Variants in SEMA6D observed in about 807,000 individuals in gnomAD.
SEMA6D encodes semaphorin 6D.
A neutral mutation model predicts 106.6 loss-of-function variants in SEMA6D; 35 were observed. The ratio of observed to expected loss-of-function variants is 0.33; its 90% confidence interval spans 0.25 to 0.44. The LOEUF (loss-of-function observed/expected upper bound fraction) is 0.44, where lower values mean the gene tolerates loss of function less well. SEMA6D is among the 20% of genes least tolerant of loss of function. The pLI is 1.00. For synonymous variants in SEMA6D, 499 were observed against 487.7 expected (o/e 1.02, Z -0.31); for missense variants, 1,185 against 1,345.9 (o/e 0.88, Z 1.87).
chr15:47,567,364 CAAAT>C (rs1422301966), intron 3 of SEMA6D, among the ~76,000 whole-genome samples: 6 of 152,072 alleles, frequency 3.9e-5, no homozygotes, highest in Non-Finnish European at 8.8e-5. Context: ...TATGCATATT[CAAAT>C]AAATAAACTT....
At chr15:47,617,724 G>A (rs756615551) in intron 4 of SEMA6D, among the ~76,000 whole-genome samples, 11 of 152,202 alleles carry the variant, frequency 7.2e-5, no homozygotes, top group Non-Finnish European at 1.3e-4. Flanking sequence ...GACTTCGACA[G>A]ATTCAGTTTT....
At chr15:47,390,130 T>C (rs895937905) in intron 1 of SEMA6D, among the ~76,000 whole-genome samples, 2 of 152,126 alleles carry the variant, frequency 1.3e-5, no homozygotes, top group South Asian at 2.1e-4. Context: ...TGGAAATCAG[T>C]TGGAAGGGGC....
intron 3 of SEMA6D, among the ~76,000 whole-genome samples, chr15:47,597,518 T>G (rs1311020944): frequency 6.6e-6 from 1 of 152,060 alleles, no homozygotes; most frequent in Non-Finnish European, 1.5e-5. Context: ...ATATACACAA[T>G]GGAATACTAT....
intron 4 of SEMA6D, among the ~76,000 whole-genome samples, chr15:47,604,438 C>T (rs981717475): frequency 3.3e-5 from 5 of 152,160 alleles, no homozygotes; most frequent in African/African-American, 1.2e-4. Context: ...TATCCTTCCA[C>T]TACTTATTTA....
At chr15:47,481,962 C>T (rs2043164915) in intron 3 of SEMA6D, among the ~76,000 whole-genome samples, 2 of 152,006 alleles carry the variant, frequency 1.3e-5, no homozygotes, top group African/African-American at 4.8e-5. Flanking sequence ...AGTATTTGAC[C>T]AGGAAAAGGA....
intron 1 of SEMA6D, among the ~76,000 whole-genome samples, chr15:47,732,918 A>G (rs1464463043): frequency 6.6e-6 from 1 of 152,210 alleles, no homozygotes; most frequent in Non-Finnish European, 1.5e-5. Context: ...GAGAAATAAG[A>G]TACCCCTGCC....
intron 13 of SEMA6D, among the ~76,000 whole-genome samples, chr15:47,765,667 A>C (rs2082299232): frequency 2.0e-5 from 3 of 152,218 alleles, no homozygotes; most frequent in Non-Finnish European, 4.4e-5. Flanking sequence ...CAATGTTTAA[A>C]AACCCTTTGT....
chr15:47,621,817 A>G (rs1291235597), intron 4 of SEMA6D, among the ~76,000 whole-genome samples: 1 of 152,134 alleles, frequency 6.6e-6, no homozygotes, highest in Non-Finnish European at 1.5e-5. Flanking sequence ...CTTCTTCACA[A>G]TGTTGTTATA....
intron 1 of SEMA6D, chr15:47,275,149 T>G (rs2034741624): frequency 1.3e-5 from 2 of 152,214 alleles, no homozygotes. Flanking sequence ...TAACAGATTT[T>G]GTATTTGGAA....
chr15:47,234,773 T>C (rs953275917), intron 1 of SEMA6D, among the ~76,000 whole-genome samples: 1 of 152,098 alleles, frequency 6.6e-6, no homozygotes, highest in African/African-American at 2.4e-5. Context: ...GTTGGCTCCA[T>C]ATCTTTGCAA....
At chr15:47,262,791 C>T (rs929736227) in intron 1 of SEMA6D, among the ~76,000 whole-genome samples, 22 of 152,130 alleles carry the variant, frequency 1.4e-4, no homozygotes, top group African/African-American at 5.3e-4. Context: ...TACCTGACTT[C>T]AAACTATGCT....
chr15:47,272,464 C>G (rs999708272), intron 1 of SEMA6D: 1 of 152,136 alleles, frequency 6.6e-6, no homozygotes, highest in African/African-American at 2.4e-5. Context: ...TGTAGTACAA[C>G]ACTTCTCTAC....
intron 1 of SEMA6D, among the ~76,000 whole-genome samples, chr15:47,235,835 G>C (rs1300501000): frequency 6.6e-6 from 1 of 151,982 alleles, no homozygotes; most frequent in African/African-American, 2.4e-5. Flanking sequence ...AACAGCTTTA[G>C]CACTAGGTAA....
chr15:47,469,873 A>G (rs1243353127), intron 2 of SEMA6D, among the ~76,000 whole-genome samples: 1 of 152,186 alleles, frequency 6.6e-6, no homozygotes, highest in East Asian at 1.9e-4. Flanking sequence ...GTTGAAAACC[A>G]TTTTATAAGG....
chr15:47,289,330 G>A lies in SEMA6D; in HGVS notation c.-239+104912G>A, dbSNP rs559698073. 1.6e-4 allele frequency among the ~76,000 whole-genome samples: 22 copies of A among 139,316 alleles called. No homozygotes were observed. In the South Asian group the frequency reaches 4.9e-3, roughly 31 times the overall value. The allele number at this position is 139,316 out of a possible 152,430, so 91.4% of individuals were successfully genotyped here. On this transcript the variant is annotated intron_variant, in intron 1 of 19. Coordinates refer to the SEMA6D transcript ENST00000558014. The stretch of plus-strand genomic sequence containing the variant: ...AATCGCTCGAACCTAGGAGGCGGAG[G>A]TTTCAGTGGGCCAAGATCGTGCCAC...
At chr15:47,725,531 A>G (rs2079688537) in intron 1 of SEMA6D, among the ~76,000 whole-genome samples, 1 of 151,922 alleles carries the variant, frequency 6.6e-6, no homozygotes, top group African/African-American at 2.4e-5. Flanking sequence ...AACGGTCCCC[A>G]GTCCCCCACT....
intron 1 of SEMA6D, among the ~76,000 whole-genome samples, chr15:47,217,874 T>TACACACAC (rs150525483): frequency 0.27 from 38,784 of 142,774 alleles, 5,517 homozygotes; most frequent in Middle Eastern, 0.41. Flanking sequence ...TGTACACACA[T>TACACACAC]ACACACACAC....
chr15:47,250,709 C>T (rs1419937486), intron 1 of SEMA6D, among the ~76,000 whole-genome samples: 3 of 152,082 alleles, frequency 2.0e-5, no homozygotes, highest in Non-Finnish European at 4.4e-5. Flanking sequence ...AAAGATGTGC[C>T]GTAGAAAGTG....
Position 47,427,912 on chromosome 15 carries a change from G to A in SEMA6D, c.-159+15440G>A, listed in dbSNP as rs1389271453. ...GTTCTCTTACTCTCTCTTTCTCTGA[G>A]GAGCCTGAGAAATTGTATATTCTTC... On this transcript the variant is annotated intron_variant, in intron 2 of 19. Coordinates refer to the SEMA6D transcript ENST00000558014. Among the ~76,000 whole-genome samples the A allele has an allele frequency of 6.6e-5, 10 of 152,086 alleles. No homozygotes were observed. In the East Asian group the frequency reaches 1.9e-3, roughly 29 times the overall value.
Sources: gnomAD v4.1 joint callset for allele counts (sites outside exome capture counted in the v4.1 genomes callset) on GRCh38, gnomAD v4.1.1 for gene constraint, MANE v1.5 for transcripts, NCBI Gene and HGNC (gene_info 2026-07-23, HGNC 2026-07-21) for gene names.